The following GRID2 variants were observed in gnomAD, a reference collection of about 807,000 sequenced individuals.
GRID2 encodes glutamate receptor ionotropic, delta-2.
Under a neutral mutation model 114.8 loss-of-function variants are expected in GRID2, and 33 were observed. The ratio of observed to expected loss-of-function variants is 0.29; its 90% CI spans 0.22 to 0.38. The LOEUF is 0.38. Among genes scored for constraint, GRID2 ranks in the 10% least tolerant of loss-of-function variants. GRID2 has a pLI of 1.00. For missense variants in GRID2, 1,184 were observed against 1,257.7 expected, an observed-to-expected ratio of 0.94 and a Z score of 0.89; for synonymous variants, 505 against 449.9, an observed-to-expected ratio of 1.12 and a Z score of -1.55.
At chr4:93,070,791 T>G (rs1728740141) in intron 2 of GRID2, among the ~76,000 whole-genome samples, 1 of 152,016 alleles carries the variant, frequency 6.6e-6, no homozygotes, top group Non-Finnish European at 1.5e-5. Flanking sequence ...AAATAAAACT[T>G]TAGGCACTTT....
intron 2 of GRID2, among the ~76,000 whole-genome samples, chr4:93,072,141 T>C (rs2149306218): frequency 6.6e-6 from 1 of 152,202 alleles, no homozygotes; most frequent in Non-Finnish European, 1.5e-5. Context: ...TACAAAGCAC[T>C]TTTTCCCACC....
In GRID2 at chr4:93,440,258, C is replaced by A. The variant is rs527819590; in HGVS notation, c.1546-15404C>A. Among the ~76,000 whole-genome samples the A allele has an allele frequency of 5.3e-5, 8 of 152,124 alleles. No homozygotes were observed. The East Asian group carries it at 1.6e-3, about 30-fold the overall frequency. On this transcript the variant is annotated intron_variant, in intron 10 of 15. Transcript: ENST00000282020. ...GAAAACTTTGCCCACCGAAGAAGAA[C>A]CTCCCTGCTACAACACACCTGCCAG...
Position 93,229,489 on chromosome 4 carries a change from G to A in GRID2, c.1125+4714G>A, listed in dbSNP as rs59238120. On this transcript the variant is annotated intron_variant, in intron 7 of 15. Transcript: ENST00000282020. ...TTTCTTAATCAGACTGTACAGATGTGGGGCCAAAGAAAGGGAGGGTAAGGC... is the reference window on the plus strand; with the variant it reads ...TTTCTTAATCAGACTGTACAGATGTAGGGCCAAAGAAAGGGAGGGTAAGGC... Among the ~76,000 whole-genome samples the A allele has an allele frequency of 2.6e-3, 399 of 152,260 alleles. 2 individuals carry two copies. Among genetic ancestry groups the A allele is most frequent in the African/African-American group, 9.3e-3 (385 of 41,570 alleles).
At chr4:93,222,909 C>A (rs911073287) in intron 6 of GRID2, among the ~76,000 whole-genome samples, 1 of 152,032 alleles carries the variant, frequency 6.6e-6, no homozygotes, top group Non-Finnish European at 1.5e-5. Context: ...AGACTTGGAA[C>A]CAACCCAAAT....
chr4:92,702,646 A>C (rs964764075), intron 2 of GRID2: 2 of 151,704 alleles, frequency 1.3e-5, no homozygotes, highest in African/African-American at 4.8e-5. Flanking sequence ...TCAGCCTCCT[A>C]TTTATTCATA....
At chr4:93,725,899 T>G (rs1422722467) in intron 14 of GRID2, among the ~76,000 whole-genome samples, 24 of 152,170 alleles carry the variant, frequency 1.6e-4, no homozygotes, top group South Asian at 1.4e-3. Context: ...TGTCAGATGA[T>G]TAGGTTGCAA....
At chr4:93,144,258 A>T (rs2149389253) in intron 4 of GRID2, among the ~76,000 whole-genome samples, 1 of 152,302 alleles carries the variant, frequency 6.6e-6, no homozygotes, top group Admixed American at 6.5e-5. Flanking sequence ...AGCCAACACA[A>T]ACTAAGTGCT....
chr4:93,401,865 C>T (rs1765925287), intron 9 of GRID2, among the ~76,000 whole-genome samples: 1 of 151,498 alleles, frequency 6.6e-6, no homozygotes, highest in South Asian at 2.1e-4. Flanking sequence ...ACTGAGTTAT[C>T]ATTTTGAGTA....
intron 9 of GRID2, among the ~76,000 whole-genome samples, chr4:93,415,008 A>C (rs752462943): frequency 1.3e-4 from 20 of 152,074 alleles, no homozygotes; most frequent in Non-Finnish European, 2.1e-4. Flanking sequence ...CATTTATTAA[A>C]TGCTTCTATA....
chr4:93,008,540 G>T (rs1345025377), intron 2 of GRID2, among the ~76,000 whole-genome samples: 1 of 151,742 alleles, frequency 6.6e-6, no homozygotes, highest in Non-Finnish European at 1.5e-5. Flanking sequence ...TGCAAGTTGT[G>T]TCTGTTTGTA....
chr4:93,380,839 T>C (rs1763784151), intron 8 of GRID2, among the ~76,000 whole-genome samples: 1 of 152,080 alleles, frequency 6.6e-6, no homozygotes, highest in African/African-American at 2.4e-5. Context: ...CTAAGGTTCC[T>C]GCGGATCTGA....
chr4:92,967,555 G>A (rs527853173), intron 2 of GRID2, among the ~76,000 whole-genome samples: 2 of 151,642 alleles, frequency 1.3e-5, no homozygotes, highest in South Asian at 4.1e-4. Flanking sequence ...GGAAATTGCT[G>A]GAAAGCAAGC....
chr4:92,322,401 G>A (rs956832250), intron 1 of GRID2, among the ~76,000 whole-genome samples: 6 of 151,412 alleles, frequency 4.0e-5, no homozygotes, highest in Non-Finnish European at 7.4e-5. Context: ...GACTCCTTTC[G>A]GAATAAAAAG....
At chr4:93,193,106 T>C (rs1741146236) in intron 4 of GRID2, among the ~76,000 whole-genome samples, 1 of 152,118 alleles carries the variant, frequency 6.6e-6, no homozygotes, top group African/African-American at 2.4e-5. Context: ...TCTTAAAGAC[T>C]CTCTTCTAAT....
chr4:92,683,390 T>A (rs1733747851), intron 2 of GRID2, among the ~76,000 whole-genome samples: 1 of 152,170 alleles, frequency 6.6e-6, no homozygotes, highest in Admixed American at 6.5e-5. Context: ...CAGCATCATC[T>A]TTGCCTAGAC....
At chr4:92,914,045 A>G (rs973626289) in intron 2 of GRID2, among the ~76,000 whole-genome samples, 1 of 152,166 alleles carries the variant, frequency 6.6e-6, no homozygotes. Flanking sequence ...GTTAATATAC[A>G]TGTGAATTAC....
In GRID2 at chr4:93,740,946, G is replaced by A. The variant is rs377512124; in HGVS notation, c.2361-28264G>A. 8.7e-4 allele frequency among the ~76,000 whole-genome samples: 132 copies of A among 151,044 alleles called. No homozygotes were observed. The South Asian group carries it at 0.026, about 30-fold the overall frequency. On this transcript the variant is annotated intron_variant, in intron 14 of 15. Coordinates refer to ENST00000282020, the MANE Select transcript of GRID2 (RefSeq NM_001510.4). ...CTTCTGTCCTACTTACCTGCAAGGA[G>A]TATTATGGAGCTGAATTAAGATAAT...
At chr4:93,262,239 A>G (rs1239598920) in intron 8 of GRID2, among the ~76,000 whole-genome samples, 2 of 151,998 alleles carry the variant, frequency 1.3e-5, no homozygotes, top group African/African-American at 4.8e-5. Flanking sequence ...TATTAGGGCA[A>G]TAAGACAAGC....
At chr4:92,357,557 A>G (rs187052667) in intron 1 of GRID2, among the ~76,000 whole-genome samples, 104 of 151,944 alleles carry the variant, frequency 6.8e-4, no homozygotes, top group African/African-American at 2.3e-3. Context: ...TTTAGTATCA[A>G]TGATCATTTA....
Sources: gnomAD v4.1 joint callset for allele counts (sites outside exome capture counted in the v4.1 genomes callset) on GRCh38, gnomAD v4.1.1 for gene constraint, MANE v1.5 for transcripts, NCBI Gene and HGNC (gene_info 2026-07-23, HGNC 2026-07-21) for gene names.